COL5A2: variants seen among roughly 807,000 people sequenced by gnomAD.
COL5A2 encodes the protein collagen alpha-2(V) chain.
Under a neutral mutation model 208.2 loss-of-function variants are expected in COL5A2, and 23 were observed. That is an observed-to-expected ratio of 0.11 (90% CI 0.08 to 0.16). The LOEUF (loss-of-function observed/expected upper bound fraction) is 0.16, where lower values mean the gene tolerates loss of function less well. Among genes scored for constraint, COL5A2 ranks in the 10% least tolerant of loss-of-function variants. The pLI is 1.00. For missense variants in COL5A2, 1,590 were observed against 1,956.4 expected (o/e 0.81, Z 3.53); for synonymous variants, 625 against 628.5 (o/e 0.99, Z 0.08).
the COL5A2 span, among the ~76,000 whole-genome samples, chr2:189,413,604 G>C: frequency 6.6e-6 from 1 of 151,934 alleles, no homozygotes; most frequent in East Asian, 1.9e-4. Flanking sequence ...CTTTCACAGC[G>C]AAGTACAATG....
the COL5A2 span, among the ~76,000 whole-genome samples, chr2:189,375,917 C>CTA: frequency 1.3e-5 from 2 of 152,176 alleles, no homozygotes; most frequent in Non-Finnish European, 2.9e-5. Flanking sequence ...TTTGACTCAG[C>CTA]CCACACTTCA....
the COL5A2 span, among the ~76,000 whole-genome samples, chr2:189,403,251 C>T: frequency 3.5e-3 from 537 of 152,308 alleles, 5 homozygotes; most frequent in African/African-American, 0.012. Flanking sequence ...GATTTTTGCA[C>T]ATTGATTTTG....
chr2:189,204,818 T>C (rs1689123560), intron 1 of COL5A2, among the ~76,000 whole-genome samples: 1 of 152,200 alleles, frequency 6.6e-6, no homozygotes, highest in South Asian at 2.1e-4. Flanking sequence ...GAATTAATTA[T>C]GTCTTCTATG....
At chr2:189,035,894 G>T (rs924530239) in intron 52 of COL5A2, among the ~76,000 whole-genome samples, 1 of 151,980 alleles carries the variant, frequency 6.6e-6, no homozygotes, top group African/African-American at 2.4e-5. Flanking sequence ...CATTGCAACA[G>T]GCAGTGGAAA....
chr2:189,247,173 G>A, the COL5A2 span, among the ~76,000 whole-genome samples: 13 of 152,214 alleles, frequency 8.5e-5, no homozygotes, highest in South Asian at 2.7e-3. Context: ...GACCAGTTGT[G>A]GCCTAAGAAG....
the COL5A2 span, among the ~76,000 whole-genome samples, chr2:189,395,156 C>A: frequency 6.6e-6 from 1 of 152,132 alleles, no homozygotes; most frequent in Non-Finnish European, 1.5e-5. Context: ...TGAAAGACTG[C>A]CAAATGTACC....
chr2:189,076,006 A>C (rs1017935249), intron 16 of COL5A2, among the ~76,000 whole-genome samples: 3 of 152,158 alleles, frequency 2.0e-5, no homozygotes, highest in Admixed American at 6.5e-5. Flanking sequence ...CAATGCAGGG[A>C]TACAAAGCAT....
intron 1 of COL5A2, among the ~76,000 whole-genome samples, chr2:189,126,831 A>G (rs1279518147): frequency 6.6e-6 from 1 of 152,078 alleles, no homozygotes; most frequent in South Asian, 2.1e-4. Flanking sequence ...ATGGAATGCT[A>G]AGGCCATGAG....
the COL5A2 span, among the ~76,000 whole-genome samples, chr2:189,266,399 C>T: frequency 6.6e-6 from 1 of 150,828 alleles, no homozygotes; most frequent in Non-Finnish European, 1.5e-5. Context: ...GCACTCCAGT[C>T]TGGATGACAG....
At chr2:189,237,060 C>A in the COL5A2 span, among the ~76,000 whole-genome samples, 1 of 151,540 alleles carries the variant, frequency 6.6e-6, no homozygotes, top group Non-Finnish European at 1.5e-5. Flanking sequence ...TCTTGAAGCC[C>A]GATAATGCCA....
the COL5A2 span, among the ~76,000 whole-genome samples, chr2:189,337,541 G>C: frequency 2.0e-5 from 3 of 152,124 alleles, no homozygotes; most frequent in African/African-American, 7.2e-5. Context: ...TAAACTTTTA[G>C]AATTGTGGGA....
At chr2:189,147,048 G>A (rs1008630531) in intron 1 of COL5A2, among the ~76,000 whole-genome samples, 3 of 152,060 alleles carry the variant, frequency 2.0e-5, no homozygotes, top group Non-Finnish European at 4.4e-5. Context: ...AACCAATTCC[G>A]GAATCCAAAG....
intron 29 of COL5A2, 77 bp from the exon 30 acceptor site, chr2:189,061,692 G>T: frequency 9.7e-7 from 1 of 1,031,078 alleles, no homozygotes; most frequent in Non-Finnish European, 1.5e-6. Context: ...ACCACTAGAA[G>T]TACTGATATT....
At chr2:189,045,653 G>A (rs1685650381) in intron 46 of COL5A2, 147 bp downstream of exon 46, 1 of 726,082 alleles carries the variant, frequency 1.4e-6, no homozygotes, top group African/African-American at 1.7e-5. Context: ...GAAACATATA[G>A]TAGTTCATAA....
intron 50 of COL5A2, 137 bp downstream of exon 50, chr2:189,041,449 T>A: frequency 1.3e-6 from 1 of 749,468 alleles, no homozygotes; most frequent in East Asian, 2.5e-5. Context: ...TAGTTACTTA[T>A]ACTCTTGTGT....
the COL5A2 span, among the ~76,000 whole-genome samples, chr2:189,240,552 T>C: frequency 5.9e-5 from 9 of 152,194 alleles, no homozygotes; most frequent in Non-Finnish European, 2.9e-5. Context: ...AAGTATTGGA[T>C]AACTTAAAAT....
At chr2:189,168,185 C>T (rs139424671) in intron 1 of COL5A2, among the ~76,000 whole-genome samples, 4,043 of 150,764 alleles carry the variant, frequency 0.027, 73 homozygotes, top group Admixed American at 0.044. Context: ...GTGATCCGCC[C>T]GTCTTGGCCT....
chr2:189,042,106 G>T (rs1427585835), intron 49 of COL5A2, among the ~76,000 whole-genome samples: 4 of 152,152 alleles, frequency 2.6e-5, no homozygotes, highest in Non-Finnish European at 1.5e-5. Context: ...TGTATGCTTT[G>T]TTTACACTGT....
At chr2:189,217,199 T>C (rs1218266080) in intron 1 of COL5A2, among the ~76,000 whole-genome samples, 1 of 152,208 alleles carries the variant, frequency 6.6e-6, no homozygotes, top group Non-Finnish European at 1.5e-5. Context: ...AGCATCTTGT[T>C]ATCATAGAAA....
Sources: allele counts gnomAD v4.1 joint callset (sites outside exome capture counted in the v4.1 genomes callset), GRCh38; gene constraint gnomAD v4.1.1; transcripts MANE v1.5; gene names NCBI Gene and HGNC (gene_info 2026-07-23, HGNC 2026-07-21).